Variants in OR14I1 observed in about 807,000 individuals in gnomAD.
OR14I1 encodes the protein olfactory receptor family 14 subfamily I member 1, also known as olfactory receptor 14I1.
For synonymous variants in OR14I1, 118 were observed against 71.1 expected (o/e 1.66, Z -3.32); for missense variants, 279 against 181.8 (o/e 1.53, Z -3.07).
At chr1:248,680,578 G>A (rs1294192291), downstream of OR14I1, among the ~76,000 whole-genome samples, 2 of 152,200 alleles carry the variant, frequency 1.3e-5, no homozygotes, top group Non-Finnish European at 2.9e-5. Flanking sequence ...CAGGTGTTCT[G>A]ACAAAATAAT....
At chr1:248,699,853 G>A in the OR14I1 span, among the ~76,000 whole-genome samples, 3 of 152,130 alleles carry the variant, frequency 2.0e-5, no homozygotes, top group Non-Finnish European at 2.9e-5. Context: ...CTGCCTCCTG[G>A]GTCAAGCAAT....
downstream of OR14I1, among the ~76,000 whole-genome samples, chr1:248,679,555 CATTAAGTGA>C (rs1661525614): frequency 6.6e-6 from 1 of 152,138 alleles, no homozygotes; most frequent in South Asian, 2.1e-4. Context: ...TTGCCTCTTT[CATTAAGTGA>C]TGAGTCAACT....
chr1:248,680,967 C>CGTGTGTGTGTGT (rs34495040), downstream of OR14I1, among the ~76,000 whole-genome samples: 3,630 of 147,174 alleles, frequency 0.025, 87 homozygotes, highest in Middle Eastern at 0.07. Context: ...AAACTGTGTG[C>CGTGTGTGTGTGT]GTGTGTGTGT....
At chr1:248,698,506 C>T in the OR14I1 span, among the ~76,000 whole-genome samples, 2 of 152,174 alleles carry the variant, frequency 1.3e-5, no homozygotes, top group Non-Finnish European at 2.9e-5. Context: ...CAGTAGCATA[C>T]AGGATACCCC....
chr1:248,680,455 C>T (rs1338909725), downstream of OR14I1, among the ~76,000 whole-genome samples: 3 of 152,172 alleles, frequency 2.0e-5, no homozygotes, highest in Admixed American at 6.5e-5. Flanking sequence ...ATCAGTGTTT[C>T]CACGAATCCT....
At chr1:248,681,248 G>GA, downstream of OR14I1, 1 of 510,216 alleles carries the variant, frequency 2.0e-6, no homozygotes, top group Non-Finnish European at 3.5e-6. Flanking sequence ...CATTCAACAG[G>GA]TTTTTTTTTT....
downstream of OR14I1, among the ~76,000 whole-genome samples, chr1:248,680,463 C>T (rs1319749267): frequency 6.6e-6 from 1 of 152,158 alleles, no homozygotes; most frequent in Non-Finnish European, 1.5e-5. Context: ...TTCCACGAAT[C>T]CTCTTCCCAT....
downstream of OR14I1, among the ~76,000 whole-genome samples, chr1:248,678,683 G>C (rs559917111): frequency 8.5e-5 from 13 of 152,226 alleles, no homozygotes; most frequent in South Asian, 2.7e-3. Flanking sequence ...TCCAGCTAAA[G>C]TATCATTCAA....
At chr1:248,698,645 T>C in the OR14I1 span, among the ~76,000 whole-genome samples, 12 of 152,318 alleles carry the variant, frequency 7.9e-5, no homozygotes, top group Non-Finnish European at 1.5e-4. Flanking sequence ...AATATGTGAT[T>C]GACATAGATT....
At chr1:248,698,469 C>A in the OR14I1 span, among the ~76,000 whole-genome samples, 1 of 152,146 alleles carries the variant, frequency 6.6e-6, no homozygotes, top group Admixed American at 6.5e-5. Context: ...ATAACTGAAA[C>A]ACAGACATAC....
downstream of OR14I1, among the ~76,000 whole-genome samples, chr1:248,679,690 G>A (rs967166575): frequency 2.0e-5 from 3 of 152,106 alleles, no homozygotes; most frequent in Non-Finnish European, 4.4e-5. Flanking sequence ...ATCAGGTATA[G>A]CTGGTCCTGA....
At chr1:248,693,779 T>C in the OR14I1 span, among the ~76,000 whole-genome samples, 1 of 142,112 alleles carries the variant, frequency 7.0e-6, no homozygotes, top group South Asian at 2.2e-4. Flanking sequence ...CAAAGCTCAT[T>C]TAAAAAAAAA....
upstream of OR14I1, among the ~76,000 whole-genome samples, chr1:248,686,780 A>T (rs1264395394): frequency 2.6e-5 from 4 of 151,342 alleles, no homozygotes; most frequent in Non-Finnish European, 5.9e-5. Context: ...ATTAAATAAC[A>T]TGTAGCTTCT....
chr1:248,681,329 G>A, exon 1 of OR14I1: 1 of 630,938 alleles, frequency 1.6e-6, no homozygotes, highest in Non-Finnish European at 2.9e-6. Context: ...GCTTTTTTGG[G>A]GTTTTGTTGC....
chr1:248,699,755 T>C, the OR14I1 span, among the ~76,000 whole-genome samples: 1 of 151,616 alleles, frequency 6.6e-6, no homozygotes, highest in Non-Finnish European at 1.5e-5. Context: ...CTTTTTGTTT[T>C]GTTTGTTTGT....
chr1:248,681,926 G>C, exon 1 of OR14I1: 1 of 781,022 alleles, frequency 1.3e-6, no homozygotes, highest in Non-Finnish European at 2.4e-6. Context: ...TATTGGAGGG[G>C]GTGGCAAATG....
At chr1:248,680,535 G>T (rs1053469093), downstream of OR14I1, among the ~76,000 whole-genome samples, 1 of 152,134 alleles carries the variant, frequency 6.6e-6, no homozygotes, top group African/African-American at 2.4e-5. Context: ...ACCTGAGAAT[G>T]GCAGACAGCC....
chr1:248,681,929 G>C, exon 1 of OR14I1: 1 of 781,044 alleles, frequency 1.3e-6, no homozygotes, highest in Non-Finnish European at 2.4e-6. Context: ...TGGAGGGGGT[G>C]GCAAATGGCA....
downstream of OR14I1, among the ~76,000 whole-genome samples, chr1:248,679,947 A>C (rs1661530619): frequency 6.6e-6 from 1 of 152,258 alleles, no homozygotes; most frequent in South Asian, 2.1e-4. Context: ...TAAAACATTT[A>C]CATTCATTTA....
Sources: gnomAD v4.1 joint callset for allele counts (sites outside exome capture counted in the v4.1 genomes callset) on GRCh38, gnomAD v4.1.1 for gene constraint, MANE v1.5 for transcripts, NCBI Gene and HGNC (gene_info 2026-07-23, HGNC 2026-07-21) for gene names.